The following WASL variants were observed in gnomAD, a reference collection of about 807,000 sequenced individuals.
WASL encodes actin nucleation-promoting factor WASL.
WASL carries 20 observed loss-of-function variants against 55.5 expected under a neutral mutation model. That is an observed-to-expected ratio of 0.36 (90% CI 0.25 to 0.52). The LOEUF (loss-of-function observed/expected upper bound fraction) is 0.52, where lower values mean the gene tolerates loss of function less well. Among genes scored for constraint, WASL ranks in the 20% least tolerant of loss-of-function variants. WASL has a pLI of 0.92. For synonymous variants in WASL, 249 were observed against 217.6 expected, an observed-to-expected ratio of 1.14 and a Z score of -1.27; for missense variants, 504 against 622.5, an observed-to-expected ratio of 0.81 and a Z score of 2.03.
intron 1 of WASL, among the ~76,000 whole-genome samples, chr7:123,732,697 G>A (rs1804159830): frequency 6.6e-6 from 1 of 152,104 alleles, no homozygotes; most frequent in South Asian, 2.1e-4. Context: ...TGTAAAGCCA[G>A]CATTAAGCTA....
chr7:123,719,144 C>G (rs73718462), intron 1 of WASL, among the ~76,000 whole-genome samples: 3,495 of 152,272 alleles, frequency 0.023, 82 homozygotes, highest in Middle Eastern at 0.065. Context: ...CTTTATTAGT[C>G]TGGTCACCCT....
At chr7:123,727,352 G>GACACACACACAC (rs1554406235) in intron 1 of WASL, among the ~76,000 whole-genome samples, 2 of 55,454 alleles carry the variant, frequency 3.6e-5, no homozygotes, top group African/African-American at 9.1e-5. Flanking sequence ...AAAAATATGT[G>GACACACACACAC]TCACACACAC....
chr7:123,702,549 C>T (rs957264018), intron 5 of WASL, among the ~76,000 whole-genome samples: 1 of 152,144 alleles, frequency 6.6e-6, no homozygotes, highest in African/African-American at 2.4e-5. Flanking sequence ...ATGGATTCGA[C>T]CAACTGTGGA....
chr7:123,696,580 G>T lies in WASL; in HGVS notation c.628C>A (p.Gln210Lys), dbSNP rs746552699. Residue 210 changes from glutamine to lysine, a missense_variant and splice_region_variant, in exon 6 of 11, where the codon CAG becomes AAG. Gln to Lys is a moderately conservative substitution (Grantham distance 53). This residue lies in a region of WASL where 230 missense variants were observed against 271.9 expected (regional missense o/e 0.85). Transcript: ENST00000223023. ...KADIGTPSNF[Q>K]HIGHVGWDPN... ...AGAACAACAAAAGAACTGTCTTACT[G>T]GAAATTGCTTGGTGTTCCTATATCT... 4.5e-6 allele frequency: 7 copies of T among 1,570,864 alleles called. No homozygotes were observed. The highest frequency in any genetic ancestry group is 6.0e-6 in the Non-Finnish European group (7 of 1,160,938).
rs775901408 is a variant in WASL at position 123,709,227 on chromosome 7, C to CA, written c.118-5dup. The CA allele has an allele frequency of 7.1e-5, 114 of 1,597,994 alleles. No individual in the cohort carries two copies. The African/African-American group carries it at 1.4e-3, about 20-fold the overall frequency. On this transcript the variant is annotated splice_polypyrimidine_tract_variant and splice_region_variant and intron_variant, in intron 1 of 10. Coordinates refer to ENST00000223023, the MANE Select transcript of WASL (RefSeq NM_003941.4). ...GCACCACTGCTGAAGACATAGTCTG[C>CA]AAAATATAAAATTTATAACCATTAG...
chr7:123,712,479 CTCA>C (rs1289658976), intron 1 of WASL, among the ~76,000 whole-genome samples: 2 of 151,980 alleles, frequency 1.3e-5, no homozygotes, highest in South Asian at 2.1e-4. Context: ...GCAACTTATT[CTCA>C]TGTTATTCAG....
At chr7:123,687,079 T>TC (rs1434040576) in intron 10 of WASL, among the ~76,000 whole-genome samples, 3 of 152,152 alleles carry the variant, frequency 2.0e-5, no homozygotes, top group Admixed American at 6.5e-5. Context: ...CGTAAGTCTT[T>TC]CCCCTTTCCA....
chr7:123,707,549 A>G (rs986388053), intron 2 of WASL, among the ~76,000 whole-genome samples: 1 of 152,212 alleles, frequency 6.6e-6, no homozygotes, highest in Admixed American at 6.5e-5. Flanking sequence ...ATTGGAAATA[A>G]GTGGTTAGAG....
intron 1 of WASL, among the ~76,000 whole-genome samples, chr7:123,709,706 A>G (rs1258849254): frequency 1.3e-5 from 2 of 152,208 alleles, no homozygotes; most frequent in Non-Finnish European, 2.9e-5. Context: ...TAAGCAATGA[A>G]GTAGTAGCAT....
intron 5 of WASL, among the ~76,000 whole-genome samples, chr7:123,699,835 C>T (rs1008224319): frequency 1.3e-5 from 2 of 152,120 alleles, no homozygotes; most frequent in African/African-American, 4.8e-5. Flanking sequence ...TATGCATCAA[C>T]ATTATCTCTT....
intron 1 of WASL, among the ~76,000 whole-genome samples, chr7:123,725,222 TTCTA>T (rs1199829907): frequency 1.3e-5 from 2 of 152,224 alleles, no homozygotes; most frequent in Non-Finnish European, 2.9e-5. Context: ...ACAGATGGTG[TTCTA>T]TCTTTTACAC....
At chr7:123,722,706 G>C (rs1336470226) in intron 1 of WASL, among the ~76,000 whole-genome samples, 1 of 152,100 alleles carries the variant, frequency 6.6e-6, no homozygotes, top group African/African-American at 2.4e-5. Flanking sequence ...TGCAATCCCA[G>C]AGGTATGAGA....
Position 123,742,264 on chromosome 7 carries a change from A to G in WASL, c.117+6354T>C, listed in dbSNP as rs146476118. Among the ~76,000 whole-genome samples, 965 of 152,358 alleles carry G rather than the reference A, an allele frequency of 6.3e-3. 9 individuals are homozygous for G. The highest frequency in any genetic ancestry group is 0.021 in the African/African-American group (893 of 41,584). On this transcript the variant is annotated intron_variant, in intron 1 of 10. Coordinates refer to ENST00000223023, the MANE Select transcript of WASL (RefSeq NM_003941.4). ...ATTTTGGCATTCATTTGGGTTTCAG[A>G]AAAGTTCTGTCAAAGGTTCTAGTGT...
At chr7:123,707,399 GCAGA>G (rs1438716670) in intron 2 of WASL, among the ~76,000 whole-genome samples, 1 of 152,096 alleles carries the variant, frequency 6.6e-6, no homozygotes, top group Non-Finnish European at 1.5e-5. Flanking sequence ...TAATCATGAT[GCAGA>G]AAGAGACTGA....
intron 1 of WASL, chr7:123,720,342 T>C (rs1302415195): frequency 8.1e-6 from 3 of 372,498 alleles, no homozygotes; most frequent in Non-Finnish European, 1.5e-5. Context: ...ACCATACAGC[T>C]GCAAAAAAAA....
intron 1 of WASL, among the ~76,000 whole-genome samples, chr7:123,729,062 C>T (rs1345003703): frequency 3.9e-5 from 6 of 151,974 alleles, no homozygotes; most frequent in Non-Finnish European, 8.8e-5. Flanking sequence ...TTTGCACTGT[C>T]GTCATTATTA....
chr7:123,734,106 A>G (rs534187240), intron 1 of WASL, among the ~76,000 whole-genome samples: 1 of 152,250 alleles, frequency 6.6e-6, no homozygotes, highest in East Asian at 1.9e-4. Context: ...AACATGATCA[A>G]TCCATGAAAG....
At chr7:123,723,688 T>C (rs1803992997) in intron 1 of WASL, among the ~76,000 whole-genome samples, 1 of 152,142 alleles carries the variant, frequency 6.6e-6, no homozygotes, top group Admixed American at 6.5e-5. Flanking sequence ...CCAGGACTGA[T>C]GGGTTTAGTA....
chr7:123,729,507 T>C (rs1164604942), intron 1 of WASL, among the ~76,000 whole-genome samples: 1 of 152,214 alleles, frequency 6.6e-6, no homozygotes, highest in African/African-American at 2.4e-5. Context: ...AGCTGTGTAT[T>C]ACATAATGTT....
Sources: allele counts gnomAD v4.1 joint callset (sites outside exome capture counted in the v4.1 genomes callset), GRCh38; gene constraint gnomAD v4.1.1; regional missense constraint gnomAD v4.1.1; transcripts MANE v1.5; gene names NCBI Gene and HGNC (gene_info 2026-07-23, HGNC 2026-07-21).